The following ULK2 variants were observed in gnomAD, a reference collection of about 807,000 sequenced individuals.
The protein encoded by ULK2 is unc-51 like autophagy activating kinase 2.
A neutral mutation model predicts 127.5 loss-of-function variants in ULK2; 76 were observed. The ratio of observed to expected loss-of-function variants is 0.60; its 90% CI spans 0.50 to 0.72. ULK2 has a LOEUF of 0.72. Ranked by LOEUF, ULK2 falls within the 30% of genes least tolerant of loss-of-function variation. ULK2 has a pLI of 0.00. For missense variants in ULK2, 1,144 were observed against 1,295.9 expected (o/e 0.88, Z 1.80); for synonymous variants, 452 against 461.9 (o/e 0.98, Z 0.28).
intron 12 of ULK2, among the ~76,000 whole-genome samples, chr17:19,819,062 G>A (rs1201038211): frequency 6.6e-6 from 1 of 151,970 alleles, no homozygotes; most frequent in Non-Finnish European, 1.5e-5. Context: ...GCCTCCCAAA[G>A]TGCTGGGATT....
chr17:19,817,805 C>G (rs564204389), intron 12 of ULK2, among the ~76,000 whole-genome samples: 3 of 152,278 alleles, frequency 2.0e-5, no homozygotes, highest in African/African-American at 7.2e-5. Context: ...ATACCTGGTT[C>G]ACTGCTGCTG....
At chr17:19,855,360 C>T (rs1323755560) in intron 3 of ULK2, among the ~76,000 whole-genome samples, 3 of 151,208 alleles carry the variant, frequency 2.0e-5, no homozygotes, top group African/African-American at 4.9e-5. Context: ...GCCGAGATCG[C>T]GCCACTGCAC....
chr17:19,838,672 T>G, intron 9 of ULK2, 89 bp from the exon 10 acceptor site: 2 of 1,067,998 alleles, frequency 1.9e-6, no homozygotes, highest in Non-Finnish European at 2.8e-6. Context: ...AACTAAAACG[T>G]GTATGCGGTT....
chr17:19,850,739 G>T (rs1210849699), intron 3 of ULK2, among the ~76,000 whole-genome samples: 1 of 151,104 alleles, frequency 6.6e-6, no homozygotes, highest in African/African-American at 2.4e-5. Context: ...GCAGGAGAAT[G>T]GCATGAACCT....
Position 19,841,552 on chromosome 17 carries a change from TAAA to T in ULK2, c.646-8_646-6del. The T allele has an allele frequency of 1.6e-6, 2 of 1,225,402 alleles. No homozygotes were observed. Among genetic ancestry groups the T allele is most frequent in the African/African-American group, 1.6e-5 (1 of 62,856 alleles). The allele number at this position is 1,225,402 out of a possible 1,614,324, so 75.9% of individuals were successfully genotyped here. A position where few individuals can be genotyped will look rare whatever the true frequency, so the allele number is the denominator to read the frequency against. ...TAAGTCTTGAGGACTATTGGCCTAT[TAAA>T]AAAAAAAAGGTTTAATTTCCTAAAC... On this transcript the variant is annotated splice_polypyrimidine_tract_variant and splice_region_variant and intron_variant, in intron 8 of 26. Transcript: ENST00000395544.
At chr17:19,790,485 T>C (rs2087128623) in intron 20 of ULK2, among the ~76,000 whole-genome samples, 1 of 150,594 alleles carries the variant, frequency 6.6e-6, no homozygotes, top group Admixed American at 6.6e-5. Flanking sequence ...TAACCTCAAA[T>C]AAAAAAACAT....
intron 12 of ULK2, among the ~76,000 whole-genome samples, chr17:19,824,446 C>CAAAAAAAA (rs397943235): frequency 1.0e-4 from 1 of 9,904 alleles, no homozygotes; most frequent in African/African-American, 2.1e-4. Flanking sequence ...AACTCCATCT[C>CAAAAAAAA]AAAAAAAAAA....
chr17:19,848,817 C>A (rs2041954013), intron 5 of ULK2, among the ~76,000 whole-genome samples: 1 of 151,634 alleles, frequency 6.6e-6, no homozygotes, highest in African/African-American at 2.4e-5. Flanking sequence ...TGGAGGCACA[C>A]AATTTGATCT....
In ULK2 at chr17:19,783,884, C is replaced by T. The variant is rs748076827; in HGVS notation, c.2273G>A (p.Gly758Asp). Residue 758 changes from glycine (G) to aspartate (D), a missense_variant, in exon 22 of 27, where the codon GGC becomes GAC. Around this residue, in one of 2 missense-constraint regions of ULK2, gnomAD observed 913 missense variants for 970.5 expected, o/e 0.94. Coordinates refer to ENST00000395544, the MANE Select transcript of ULK2 (RefSeq NM_014683.4). ...GCGGCCACTCATGGCACAAAGAGAGCCCCCGGAGTTGCTGGGCCCCACTAC... is the reference window on the plus strand; with the variant it reads ...GCGGCCACTCATGGCACAAAGAGAGTCCCCGGAGTTGCTGGGCCCCACTAC... Reference protein sequence around the residue: ...TTSVGPSNSGGSLCAMSGRVC... With the variant: ...TTSVGPSNSGDSLCAMSGRVC... 3 of 1,528,992 alleles carry T rather than the reference C, an allele frequency of 2.0e-6. No homozygotes were observed. Among genetic ancestry groups the T allele is most frequent in the East Asian group, 4.8e-5 (2 of 41,890 alleles). The allele number at this position is 1,528,992 out of a possible 1,614,324, so 94.7% of individuals were successfully genotyped here.
At chr17:19,859,079 C>T (rs1299852576) in intron 3 of ULK2, among the ~76,000 whole-genome samples, 2 of 152,306 alleles carry the variant, frequency 1.3e-5, no homozygotes, top group East Asian at 1.9e-4. Flanking sequence ...CACTTTAGTC[C>T]AGCAGTTCGA....
intron 3 of ULK2, among the ~76,000 whole-genome samples, chr17:19,854,813 G>T (rs1431016243): frequency 6.6e-6 from 1 of 152,076 alleles, no homozygotes; most frequent in African/African-American, 2.4e-5. Context: ...ATATATTAAA[G>T]ACACGGCGGG....
chr17:19,797,618 G>T lies in ULK2; in HGVS notation c.1587C>A (p.Ala529=), dbSNP rs778834648. ...SLLSGARLQS[A]PTLTDIYQNK... is the part of the protein sequence containing the mutation. Reference sequence around the variant, plus strand: ...TCTGATAGATGTCAGTGAGGGTGGGGGCGCTCTGCAGTCTAGCACCCGATA... The same window carrying T: ...TCTGATAGATGTCAGTGAGGGTGGGTGCGCTCTGCAGTCTAGCACCCGATA... The change falls in exon 18 of 27, where the codon GCC becomes GCA. Residue 529 remains alanine, a synonymous_variant. Transcript: ENST00000395544. 6.8e-6 allele frequency: 11 copies of T among 1,612,906 alleles called. No individual in the cohort carries two copies. The highest frequency in any genetic ancestry group is 1.6e-4 in the Middle Eastern group (1 of 6,080).
intron 14 of ULK2, among the ~76,000 whole-genome samples, chr17:19,809,960 G>A (rs958198474): frequency 6.0e-5 from 9 of 150,968 alleles, no homozygotes; most frequent in Non-Finnish European, 4.4e-5. Context: ...GGCAGGGTGC[G>A]GTGGCTCACG....
intron 3 of ULK2, among the ~76,000 whole-genome samples, chr17:19,854,404 C>CA (rs1451811940): frequency 6.6e-6 from 1 of 151,924 alleles, no homozygotes; most frequent in Non-Finnish European, 1.5e-5. Context: ...CCAAAGGTTG[C>CA]AAAAATATTC....
At chr17:19,785,856 A>C in intron 21 of ULK2, 81 bp downstream of exon 21, 1 of 1,515,944 alleles carries the variant, frequency 6.6e-7, no homozygotes, top group South Asian at 1.3e-5. Context: ...TGACTTGTCC[A>C]AGTTACAACA....
intron 13 of ULK2, among the ~76,000 whole-genome samples, chr17:19,816,196 T>C (rs893848814): frequency 3.3e-5 from 5 of 152,234 alleles, no homozygotes; most frequent in Non-Finnish European, 7.3e-5. Flanking sequence ...TCCTTCATGA[T>C]CAAACCATGG....
At chr17:19,824,817 CCATAGGG>C (rs1207038594) in intron 12 of ULK2, among the ~76,000 whole-genome samples, 1 of 152,136 alleles carries the variant, frequency 6.6e-6, no homozygotes, top group Non-Finnish European at 1.5e-5. Flanking sequence ...CACCAAAACA[CCATAGGG>C]TATAAGAAGG....
intron 20 of ULK2, among the ~76,000 whole-genome samples, chr17:19,790,922 T>C (rs1230172124): frequency 6.6e-6 from 1 of 152,252 alleles, no homozygotes; most frequent in African/African-American, 2.4e-5. Context: ...AAGGTCATTA[T>C]ATAATGACGA....
rs1288366576 is a variant in ULK2, at chr17:19,783,468, A to G, written c.2460+229T>C. 3.3e-5 allele frequency among the ~76,000 whole-genome samples: 5 copies of G among 152,188 alleles called. No individual in the cohort carries two copies. The East Asian group carries it at 7.7e-4, about 23-fold the overall frequency. ...CTCTGTCTCAAAAAAAAAGAAAGAA[A>G]GAAAAACACAGAATCTATGTGTTTC... On this transcript the variant is annotated intron_variant, in intron 22 of 26. Transcript: ENST00000395544.
Sources: gnomAD v4.1 joint callset for allele counts (sites outside exome capture counted in the v4.1 genomes callset) on GRCh38, gnomAD v4.1.1 for gene constraint, gnomAD v4.1.1 regional missense constraint, MANE v1.5 for transcripts, NCBI Gene and HGNC (gene_info 2026-07-23, HGNC 2026-07-21) for gene names.